Variants in SPPL2A observed in about 807,000 individuals in gnomAD.
The protein encoded by SPPL2A is signal peptide peptidase like 2A, also known as signal peptide peptidase-like 2A.
In SPPL2A, 51 loss-of-function variants were observed where a neutral mutation model predicts 63.8. The ratio of observed to expected loss-of-function variants is 0.80; its 90% CI spans 0.64 to 1.01. SPPL2A has a LOEUF of 1.01. Ranked by LOEUF, SPPL2A falls within the 50% of genes least tolerant of loss-of-function variation. SPPL2A has a pLI of 0.00. For synonymous variants in SPPL2A, 188 were observed against 205.8 expected (o/e 0.91, Z 0.74); for missense variants, 553 against 622.7 (o/e 0.89, Z 1.19).
intron 1 of SPPL2A, 166 bp from the exon 2 acceptor site, chr15:50,749,912 A>C: frequency 1.6e-6 from 1 of 608,382 alleles, no homozygotes; most frequent in South Asian, 1.9e-5. Flanking sequence ...GATGGTTAGG[A>C]ATATTAAAAC....
chr15:50,722,597 C>T (rs1030762969), intron 12 of SPPL2A, among the ~76,000 whole-genome samples: 3 of 152,108 alleles, frequency 2.0e-5, no homozygotes, highest in Admixed American at 2.0e-4. Flanking sequence ...GCTGGGACTA[C>T]AGGCGCGTGC....
rs188718070 is a variant in SPPL2A, at chr15:50,722,516, G to C, written c.1250-315C>G. ...CTGTTGCCCAGGATGGAGTGCAGTGGCGCGATCTCGGTTCACTGCAACCTC... is the reference window on the plus strand; with the variant it reads ...CTGTTGCCCAGGATGGAGTGCAGTGCCGCGATCTCGGTTCACTGCAACCTC... On this transcript the variant is annotated intron_variant, in intron 12 of 14. Transcript: ENST00000261854. Among the ~76,000 whole-genome samples, 898 of 152,130 alleles carry C rather than the reference G, an allele frequency of 5.9e-3. 15 individuals are homozygous for C. The highest frequency in any genetic ancestry group is 0.021 in the African/African-American group (863 of 41,504).
intron 1 of SPPL2A, among the ~76,000 whole-genome samples, chr15:50,763,406 A>G (rs1289317681): frequency 6.6e-6 from 1 of 152,224 alleles, no homozygotes; most frequent in African/African-American, 2.4e-5. Flanking sequence ...CTGGTATCGA[A>G]AAAAGATCCT....
chr15:50,703,339 T>TAC lies in SPPL2A; in HGVS notation c.*4460_*4461insGT, dbSNP rs1173261411. The stretch of plus-strand genomic sequence containing the variant: ...GTTCATATATACATATATATATATA[T>TAC]ATATATACATATATATATTTTTTTT... On this transcript the variant is annotated 3_prime_UTR_variant, in exon 15 of 15. Transcript: ENST00000261854. 14 of 89,578 alleles carry TAC rather than the reference T, an allele frequency of 1.6e-4. No homozygotes were observed. The highest frequency in any genetic ancestry group is 2.5e-4 in the Non-Finnish European group (11 of 43,516). 5.5% of individuals were successfully genotyped at this position (89,578 alleles called of 1,614,324 possible).
chr15:50,721,932 T>A (rs2062650354), intron 13 of SPPL2A, among the ~76,000 whole-genome samples, 192 bp downstream of exon 13: 2 of 151,800 alleles, frequency 1.3e-5, no homozygotes, highest in Non-Finnish European at 2.9e-5. Context: ...AGAGATGGGG[T>A]CTCACTATGT....
chr15:50,714,261 T>A (rs2062582432), intron 14 of SPPL2A, among the ~76,000 whole-genome samples: 1 of 152,228 alleles, frequency 6.6e-6, no homozygotes, highest in Non-Finnish European at 1.5e-5. Flanking sequence ...ATGTCTGCCC[T>A]CCTGGGGCTA....
Position 50,748,175 on chromosome 15 carries a change from A to G in SPPL2A, c.388T>C (p.Phe130Leu), listed in dbSNP as rs1365392514. The G allele has an allele frequency of 6.6e-7, 1 of 1,508,318 alleles. No homozygotes were observed. The highest frequency in any genetic ancestry group is 1.4e-5 in the South Asian group (1 of 71,976). The allele number at this position is 1,508,318 out of a possible 1,614,324, so 93.4% of individuals were successfully genotyped here. The change falls in exon 4 of 15, where the codon TTT (phenylalanine) becomes CTT (leucine). Residue 130 changes from phenylalanine to leucine, a missense_variant. Coordinates refer to ENST00000261854, the MANE Select transcript of SPPL2A (RefSeq NM_032802.4). ...GCAATCAGTATTTTCACATCAGGAAATTCAGATCTGTTACCTGAGGGAGGA... is the reference window on the plus strand; with the variant it reads ...GCAATCAGTATTTTCACATCAGGAAGTTCAGATCTGTTACCTGAGGGAGGA... ...LFPPSGNRSE[F>L]PDVKILIAFI...
rs1436432460 is a variant in SPPL2A at position 50,722,128 on chromosome 15, T to C, written c.1323A>G (p.Thr441=). The change falls in exon 13 of 15, where the codon ACA becomes ACG. Residue 441 remains threonine, a synonymous_variant. Transcript: ENST00000261854. ...GSSYIYYVSS[T]VAYAIGMILT... ...CAAAGAAAAACAAAAATTTACCAAC[T>C]GTAGACGAAACATAGTATATGTAAG... 2.6e-6 allele frequency: 4 copies of C among 1,551,652 alleles called. No homozygotes were observed. The Admixed American group carries it at 5.0e-5, about 19-fold the overall frequency.
rs1395990686 is a variant in SPPL2A at position 50,748,104 on chromosome 15, C to A, written c.450+9G>T. The A allele has an allele frequency of 8.5e-7, 1 of 1,170,730 alleles. No individual in the cohort carries two copies. The highest frequency in any genetic ancestry group is 1.8e-5 in the South Asian group (1 of 56,380). 72.5% of individuals were successfully genotyped at this position (1,170,730 alleles called of 1,614,324 possible). A position where few individuals can be genotyped will look rare whatever the true frequency, so the allele number is the denominator to read the frequency against. ...ATAAACTTTATCTAATATGTAATTG[C>A]TAATTTACCTGGTTCATATCTCTAA... On this transcript the variant is annotated intron_variant, in intron 4 of 14. Transcript: ENST00000261854.
At chr15:50,726,157 A>AATGAGAT in intron 11 of SPPL2A, 164 bp downstream of exon 11, 1 of 1,503,892 alleles carries the variant, frequency 6.6e-7, no homozygotes, top group Non-Finnish European at 9.0e-7. Flanking sequence ...ATAGGTATTT[A>AATGAGAT]ATAATTTAGA....
In SPPL2A at chr15:50,707,051, A is replaced by T. The variant is rs2062514661; in HGVS notation, c.*749T>A. On this transcript the variant is annotated 3_prime_UTR_variant, in exon 15 of 15. Coordinates refer to ENST00000261854, the MANE Select transcript of SPPL2A (RefSeq NM_032802.4). ...AACCTCTGCAGTGATATAAGGTCCA[A>T]ATTTTCACCGTTGAACCGCCTTCTT... 6.6e-6 allele frequency: 1 copy of T among 152,164 alleles called. No homozygotes were observed. Among genetic ancestry groups the T allele is most frequent in the African/African-American group, 2.4e-5 (1 of 41,430 alleles). 9.4% of individuals were successfully genotyped at this position (152,164 alleles called of 1,614,324 possible). A position where few individuals can be genotyped will look rare whatever the true frequency, so the allele number is the denominator to read the frequency against.
chr15:50,760,300 G>A (rs998103610), intron 1 of SPPL2A, among the ~76,000 whole-genome samples: 3 of 150,628 alleles, frequency 2.0e-5, no homozygotes, highest in African/African-American at 2.4e-5. Context: ...TTGCTCTGTC[G>A]CCCAGGCTGG....
intron 10 of SPPL2A, among the ~76,000 whole-genome samples, chr15:50,727,465 A>G (rs1164305474): frequency 6.6e-6 from 1 of 152,224 alleles, no homozygotes; most frequent in East Asian, 1.9e-4. Context: ...AGGTTGTGAT[A>G]ACATTTCCAG....
chr15:50,737,724 A>G (rs140670044), intron 6 of SPPL2A, among the ~76,000 whole-genome samples: 143 of 152,176 alleles, frequency 9.4e-4, no homozygotes, highest in African/African-American at 3.3e-3. Context: ...AAGTGCTGGG[A>G]TTACAGGCGA....
intron 6 of SPPL2A, among the ~76,000 whole-genome samples, chr15:50,737,827 T>C (rs1287375582): frequency 6.6e-6 from 1 of 151,944 alleles, no homozygotes; most frequent in East Asian, 1.9e-4. Context: ...ATCCCAACAC[T>C]ATAGGAGGCC....
intron 6 of SPPL2A, among the ~76,000 whole-genome samples, 177 bp downstream of exon 6, chr15:50,739,503 T>A (rs765467343): frequency 7.2e-5 from 11 of 151,988 alleles, no homozygotes; most frequent in Non-Finnish European, 1.5e-4. Flanking sequence ...AATCTGAATA[T>A]TTTTATCTCA....
chr15:50,726,218 T>G, intron 11 of SPPL2A, 103 bp downstream of exon 11: 2 of 1,454,680 alleles, frequency 1.4e-6, no homozygotes, highest in Non-Finnish European at 1.9e-6. Context: ...TACAATACCT[T>G]AACATGCACT....
In SPPL2A at chr15:50,705,352, AAAG is replaced by A. The variant is rs2062500269; in HGVS notation, c.*2445_*2447del. ...GAGACTCCATTTCCAAAAAAAAAAA[AAAG>A]AAATTAATTATCTCATTTCGATGTA... is the stretch of plus-strand genomic sequence containing the variant. On this transcript the variant is annotated 3_prime_UTR_variant, in exon 15 of 15. Coordinates refer to ENST00000261854, the MANE Select transcript of SPPL2A (RefSeq NM_032802.4). The A allele has an allele frequency of 2.6e-5, 4 of 152,172 alleles. No individual in the cohort carries two copies. The highest frequency in any genetic ancestry group is 1.3e-4 in the Admixed American group (2 of 15,260). The allele number at this position is 152,172 out of a possible 1,614,324, so 9.4% of individuals were successfully genotyped here. A position where few individuals can be genotyped will look rare whatever the true frequency, so the allele number is the denominator to read the frequency against.
intron 12 of SPPL2A, among the ~76,000 whole-genome samples, chr15:50,724,216 C>T (rs916942428): frequency 1.3e-5 from 2 of 152,100 alleles, no homozygotes; most frequent in African/African-American, 4.8e-5. Context: ...AATAGAAGGG[C>T]TTTTTCAGAA....
Sources: gnomAD v4.1 joint callset for allele counts (sites outside exome capture counted in the v4.1 genomes callset) on GRCh38, gnomAD v4.1.1 for gene constraint, MANE v1.5 for transcripts, NCBI Gene and HGNC (gene_info 2026-07-23, HGNC 2026-07-21) for gene names.